LARP4B: variants seen among roughly 807,000 people sequenced by gnomAD.
LARP4B encodes the protein La ribonucleoprotein 4B.
Under a neutral mutation model 89.8 loss-of-function variants are expected in LARP4B, and 12 were observed. That is an observed-to-expected ratio of 0.13 (90% CI 0.09 to 0.22). The LOEUF (loss-of-function observed/expected upper bound fraction) is 0.22, where lower values mean the gene tolerates loss of function less well. LARP4B is among the 10% of genes least tolerant of loss of function. LARP4B has a pLI of 1.00. For synonymous variants in LARP4B, 367 were observed against 363.3 expected (o/e 1.01, Z -0.12); for missense variants, 757 against 947.7 (o/e 0.80, Z 2.64).
chr10:843,302 A>C (rs1048068276), intron 6 of LARP4B, among the ~76,000 whole-genome samples: 1 of 152,248 alleles, frequency 6.6e-6, no homozygotes, highest in Non-Finnish European at 1.5e-5. Flanking sequence ...TACTTTCTAC[A>C]ATCAAAATTT....
chr10:986,626 G>A, the LARP4B span: 2 of 152,198 alleles, frequency 1.3e-5, no homozygotes, highest in Non-Finnish European at 2.9e-5. Context: ...TTATGGTTGT[G>A]CATTCACAGA....
chr10:928,177 G>A (rs1396308364), intron 1 of LARP4B, among the ~76,000 whole-genome samples: 4 of 150,770 alleles, frequency 2.7e-5, no homozygotes, highest in Middle Eastern at 3.4e-3. Flanking sequence ...AGCCAAGAAC[G>A]CACCATTGCA....
chr10:894,015 G>C (rs746516704), intron 1 of LARP4B, among the ~76,000 whole-genome samples: 4 of 152,156 alleles, frequency 2.6e-5, no homozygotes, highest in Non-Finnish European at 5.9e-5. Context: ...ACAGTCAATG[G>C]GGAGTGAATG....
chr10:921,318 T>C (rs1338955562), intron 1 of LARP4B, among the ~76,000 whole-genome samples: 1 of 152,022 alleles, frequency 6.6e-6, no homozygotes, highest in Admixed American at 6.6e-5. Context: ...AAGTTAATGA[T>C]CCAGCATTTA....
At chr10:923,990 C>A (rs1378554124) in intron 1 of LARP4B, among the ~76,000 whole-genome samples, 1 of 152,188 alleles carries the variant, frequency 6.6e-6, no homozygotes, top group Non-Finnish European at 1.5e-5. Flanking sequence ...TGGCTCACAT[C>A]TGTAATCCCA....
rs150319297 is a variant in LARP4B at position 921,642 on chromosome 10, A to T, written c.-40+9786T>A. 3.3e-3 allele frequency among the ~76,000 whole-genome samples: 499 copies of T among 152,260 alleles called. 2 individuals carry two copies. The highest frequency in any genetic ancestry group is 0.011 in the African/African-American group (459 of 41,544). The stretch of plus-strand genomic sequence containing the variant: ...TTGTGGTCACTCGGAATCCTAAGGC[A>T]CACTGCAAAAGTTTACTCTTCACTG... On this transcript the variant is annotated intron_variant, in intron 1 of 17. Transcript: ENST00000316157.
At chr10:829,818 G>C (rs1228656709) in intron 9 of LARP4B, 84 bp from the exon 10 acceptor site, 2 of 883,362 alleles carry the variant, frequency 2.3e-6, no homozygotes, top group Middle Eastern at 3.3e-4. Context: ...AGCTCAAATA[G>C]GGAAATATAT....
the LARP4B span, among the ~76,000 whole-genome samples, chr10:967,523 T>A: frequency 6.6e-6 from 1 of 152,132 alleles, no homozygotes; most frequent in South Asian, 2.1e-4. Flanking sequence ...AGTGAGGAGC[T>A]AAAACATTTA....
chr10:885,554 T>G lies in LARP4B; in HGVS notation c.81+87A>C, dbSNP rs561064128. 6 of 867,464 alleles carry G rather than the reference T, an allele frequency of 6.9e-6. No homozygotes were observed. In the African/African-American group the frequency reaches 1.0e-4, roughly 15 times the overall value. The allele number at this position is 867,464 out of a possible 1,614,324, so 53.7% of individuals were successfully genotyped here. On this transcript the variant is annotated intron_variant, in intron 2 of 17. Coordinates refer to ENST00000316157, the MANE Select transcript of LARP4B (RefSeq NM_015155.3). ...AGATCCTAAGATGTGCCAGTGTTCC[T>G]GTTTAGAACTCCTTACTAACTCCAA...
chr10:872,894 G>T, intron 3 of LARP4B: 1 of 249,626 alleles, frequency 4.0e-6, no homozygotes, highest in Non-Finnish European at 6.4e-6. Flanking sequence ...AGGGTTCAAT[G>T]ACTGCTTGGG....
At chr10:865,899 C>T (rs1050347827) in intron 3 of LARP4B, among the ~76,000 whole-genome samples, 1 of 152,206 alleles carries the variant, frequency 6.6e-6, no homozygotes, top group Non-Finnish European at 1.5e-5. Flanking sequence ...TTACACTGCA[C>T]TACCCCAGCA....
downstream of LARP4B, chr10:807,561 G>C (rs1234101705): frequency 6.6e-6 from 1 of 152,386 alleles, no homozygotes; most frequent in African/African-American, 2.4e-5. Flanking sequence ...GGGTGGAGCT[G>C]CTCACCCCGT....
intron 1 of LARP4B, among the ~76,000 whole-genome samples, chr10:886,036 GGA>G (rs1835847324): frequency 6.6e-6 from 1 of 151,962 alleles, no homozygotes; most frequent in African/African-American, 2.4e-5. Context: ...ATTTGTGCCT[GGA>G]AACTCAAGTC....
At chr10:930,932 C>G in intron 1 of LARP4B, among the ~76,000 whole-genome samples, 1 of 150,670 alleles carries the variant, frequency 6.6e-6, no homozygotes, top group Non-Finnish European at 1.5e-5. Flanking sequence ...TGCCGGCGCC[C>G]GCCCGGCCTG....
chr10:812,752 C>A lies in LARP4B; in HGVS notation c.*174G>T. 1 of 453,736 alleles carries A rather than the reference C, an allele frequency of 2.2e-6. No individual in the cohort carries two copies. The highest frequency in any genetic ancestry group is 2.0e-5 in the African/African-American group (1 of 49,732). 28.1% of individuals were successfully genotyped at this position (453,736 alleles called of 1,614,324 possible). A position where few individuals can be genotyped will look rare whatever the true frequency, so the allele number is the denominator to read the frequency against. On this transcript the variant is annotated 3_prime_UTR_variant, in exon 18 of 18. Coordinates refer to ENST00000316157, the MANE Select transcript of LARP4B (RefSeq NM_015155.3). ...TTGTATTAATTAAATCCTGAAAAAT[C>A]GATTTTTTTTCAAGAGGGGGAGAAT...
chr10:840,296 C>G (rs1183688065), intron 7 of LARP4B, among the ~76,000 whole-genome samples: 1 of 152,148 alleles, frequency 6.6e-6, no homozygotes, highest in Non-Finnish European at 1.5e-5. Flanking sequence ...ATGCCTCGCC[C>G]AACTCACCTG....
rs918556111 is a variant in LARP4B, at chr10:822,387, C to T, written c.1485-1542G>A. On this transcript the variant is annotated intron_variant, in intron 13 of 17. Coordinates refer to ENST00000316157, the MANE Select transcript of LARP4B (RefSeq NM_015155.3). This position sits in a 1 kb window ranked among gnomAD's most constrained non-coding sequence, Gnocchi z 4.6. ...ATCCCTCCGCCAAGGGCAGCCTGCT[C>T]GTCACTACCGGCTGGGACGCAGGGG... Among the ~76,000 whole-genome samples, 7 of 152,220 alleles carry T rather than the reference C, an allele frequency of 4.6e-5. No homozygotes were observed. The highest frequency in any genetic ancestry group is 1.4e-4 in the African/African-American group (6 of 41,458).
intron 3 of LARP4B, among the ~76,000 whole-genome samples, chr10:879,612 A>C (rs1564427467): frequency 6.6e-6 from 1 of 151,652 alleles, no homozygotes; most frequent in Non-Finnish European, 1.5e-5. Flanking sequence ...ATCCTCCCCC[A>C]TCAGCCACCT....
chr10:959,374 T>TCAATCCACCTCCC, the LARP4B span, among the ~76,000 whole-genome samples: 1 of 61,108 alleles, frequency 1.6e-5, no homozygotes, highest in African/African-American at 7.3e-5. Flanking sequence ...TCCCACCTCC[T>TCAATCCACCTCCC]CATCAATCCC....
Sources: allele counts gnomAD v4.1 joint callset (sites outside exome capture counted in the v4.1 genomes callset), GRCh38; gene constraint gnomAD v4.1.1; non-coding constraint Gnocchi (gnomAD v3.1); transcripts MANE v1.5; gene names NCBI Gene and HGNC (gene_info 2026-07-23, HGNC 2026-07-21).